Variants in WDR64 observed in about 807,000 individuals in gnomAD.
WDR64 encodes WD repeat-containing protein 64.
WDR64 carries 112 observed loss-of-function variants against 139.3 expected under a neutral mutation model. The observed-to-expected ratio is 0.80, with a 90% CI of 0.69 to 0.94. The LOEUF is 0.94. Among genes scored for constraint, WDR64 ranks in the 40% least tolerant of loss-of-function variants. The pLI, the probability that WDR64 is intolerant of heterozygous loss-of-function variation, is 0.00. For synonymous variants in WDR64, 444 were observed against 437.7 expected (o/e 1.01, Z -0.18); for missense variants, 1,206 against 1,293.1 (o/e 0.93, Z 1.03).
chr1:241,654,690 C>T (rs893492935), intron 1 of WDR64, among the ~76,000 whole-genome samples: 1 of 152,106 alleles, frequency 6.6e-6, no homozygotes, highest in African/African-American at 2.4e-5. Flanking sequence ...GGCTGAGCAT[C>T]CCTGATCCCA....
intron 23 of WDR64, among the ~76,000 whole-genome samples, chr1:241,783,742 G>A (rs572205299): frequency 6.6e-6 from 1 of 152,276 alleles, no homozygotes; most frequent in Non-Finnish European, 1.5e-5. Context: ...AAAAGTAATA[G>A]AAAAGAGCAA....
rs768314839 is a variant in WDR64, at chr1:241,783,392, A to G, written c.2705+11A>G. ...CGATGGCTCAGTAAGGTAGGCCAAG[A>G]TGGCATCATACTGTGAATTCAGTAC... On this transcript the variant is annotated intron_variant, in intron 23 of 27. Transcript: ENST00000437684. The G allele has an allele frequency of 4.4e-6, 7 of 1,596,466 alleles. No homozygotes were observed. In the South Asian group the frequency reaches 5.5e-5, roughly 13 times the overall value.
At chr1:241,711,442 G>A (rs1668164512) in intron 8 of WDR64, among the ~76,000 whole-genome samples, 1 of 152,024 alleles carries the variant, frequency 6.6e-6, no homozygotes, top group Non-Finnish European at 1.5e-5. Flanking sequence ...GTCCAAAAGG[G>A]TTCCTGGCAT....
intron 15 of WDR64, among the ~76,000 whole-genome samples, chr1:241,760,236 G>C (rs1339726020): frequency 1.3e-5 from 2 of 152,042 alleles, no homozygotes; most frequent in Non-Finnish European, 2.9e-5. Flanking sequence ...CATGTGAATA[G>C]ATGTACCATT....
intron 23 of WDR64, 133 bp from the exon 24 acceptor site, chr1:241,787,716 A>T: frequency 1.4e-6 from 1 of 695,266 alleles, no homozygotes; most frequent in Non-Finnish European, 2.3e-6. Context: ...AGTATTTCAT[A>T]GAAAGGGTCT....
chr1:241,677,257 A>G (rs1666592094), intron 4 of WDR64: 1 of 398,026 alleles, frequency 2.5e-6, no homozygotes, highest in Admixed American at 4.4e-5. Context: ...AGATATATAT[A>G]GAGAAAGAGA....
At chr1:241,756,314 T>C (rs1407831442) in intron 14 of WDR64, among the ~76,000 whole-genome samples, 1 of 152,214 alleles carries the variant, frequency 6.6e-6, no homozygotes, top group Non-Finnish European at 1.5e-5. Context: ...TTTTATTCTC[T>C]TCGTAGTAAC....
Position 241,783,324 on chromosome 1 carries a change from T to C in WDR64, c.2648T>C (p.Val883Ala). The change falls in exon 23 of 28, where the codon GTA becomes GCA. Residue 883 changes from valine to alanine, a missense_variant. By Grantham distance (64) the Val-to-Ala change is moderately conservative (BLOSUM62 0). Transcript: ENST00000437684. ...GCTCATTCTTTGGAAATTATTCAAG[T>C]AATCTATGTAGAAGAAAAACAAGTG... is the stretch of plus-strand genomic sequence containing the variant. ...WRAHSLEIIQVIYVEEKQVVL... is the reference protein window; with the variant it reads ...WRAHSLEIIQAIYVEEKQVVL... The C allele has an allele frequency of 6.2e-7, 1 of 1,614,046 alleles. No individual in the cohort carries two copies. The highest frequency in any genetic ancestry group is 8.5e-7 in the Non-Finnish European group (1 of 1,179,974).
chr1:241,789,161 T>A (rs1659142419), intron 24 of WDR64, among the ~76,000 whole-genome samples: 1 of 152,022 alleles, frequency 6.6e-6, no homozygotes, highest in South Asian at 2.1e-4. Flanking sequence ...CAGATGTGAA[T>A]GGTAGACACA....
At chr1:241,777,874 A>T (rs375935910) in intron 21 of WDR64, among the ~76,000 whole-genome samples, 39 of 152,158 alleles carry the variant, frequency 2.6e-4, no homozygotes, top group Admixed American at 2.3e-3. Context: ...TGTGGTCTGA[A>T]AACATACATT....
chr1:241,748,461 C>T (rs1669848270), intron 13 of WDR64, among the ~76,000 whole-genome samples: 1 of 152,072 alleles, frequency 6.6e-6, no homozygotes, highest in Non-Finnish European at 1.5e-5. Context: ...CAAGGCAGAT[C>T]CTTGGGGCCC....
intron 8 of WDR64, among the ~76,000 whole-genome samples, chr1:241,690,201 A>G (rs776227624): frequency 6.6e-6 from 1 of 152,146 alleles, no homozygotes; most frequent in Non-Finnish European, 1.5e-5. Context: ...GGCTGGGCGC[A>G]GTGGCTCACA....
intron 8 of WDR64, among the ~76,000 whole-genome samples, chr1:241,692,198 C>G (rs1306985638): frequency 6.6e-6 from 1 of 152,088 alleles, no homozygotes; most frequent in Non-Finnish European, 1.5e-5. Context: ...GAATAGAAGA[C>G]TCACTATTGT....
chr1:241,674,256 CTTTTCTTTTTT>C (rs1453615902), intron 3 of WDR64, among the ~76,000 whole-genome samples: 5 of 121,350 alleles, frequency 4.1e-5, no homozygotes, highest in African/African-American at 1.5e-4. Context: ...CTTTTTTTTT[CTTTTCTTTTTT>C]TTTTTTTTTG....
At chr1:241,680,145 A>G (rs1666722142) in intron 6 of WDR64, among the ~76,000 whole-genome samples, 2 of 152,178 alleles carry the variant, frequency 1.3e-5, no homozygotes, top group South Asian at 4.1e-4. Context: ...ATATAATATG[A>G]TGATACAGCA....
intron 10 of WDR64, among the ~76,000 whole-genome samples, chr1:241,729,604 AT>A (rs1668995025): frequency 6.6e-6 from 1 of 152,182 alleles, no homozygotes; most frequent in Non-Finnish European, 1.5e-5. Flanking sequence ...ATTCCCAGAC[AT>A]CCTATATATC....
chr1:241,767,176 G>A (rs1040957387), intron 16 of WDR64, among the ~76,000 whole-genome samples: 1 of 152,042 alleles, frequency 6.6e-6, no homozygotes, highest in Non-Finnish European at 1.5e-5. Flanking sequence ...AAGACTCCTG[G>A]GTAGCATATC....
At chr1:241,732,665 C>T (rs1669129063) in intron 10 of WDR64, among the ~76,000 whole-genome samples, 2 of 151,890 alleles carry the variant, frequency 1.3e-5, no homozygotes, top group African/African-American at 4.8e-5. Flanking sequence ...ACTAAAAATA[C>T]AAAAATTAGC....
chr1:241,701,628 A>G (rs1275548816), intron 8 of WDR64, among the ~76,000 whole-genome samples: 2 of 152,174 alleles, frequency 1.3e-5, no homozygotes, highest in African/African-American at 4.8e-5. Flanking sequence ...GAAGTCAGGA[A>G]GTCAGTTGAG....
Sources: gnomAD v4.1 joint callset for allele counts (sites outside exome capture counted in the v4.1 genomes callset) on GRCh38, gnomAD v4.1.1 for gene constraint, MANE v1.5 for transcripts, NCBI Gene and HGNC (gene_info 2026-07-23, HGNC 2026-07-21) for gene names.